CDKAL1: variants seen among roughly 807,000 people sequenced by gnomAD.
CDKAL1 encodes the protein CDKAL1 threonylcarbamoyladenosine tRNA methylthiotransferase, also known as threonylcarbamoyladenosine tRNA methylthiotransferase.
CDKAL1 carries 32 observed loss-of-function variants against 68.2 expected under a neutral mutation model. The observed-to-expected ratio is 0.47, with a 90% CI of 0.35 to 0.63. The LOEUF (loss-of-function observed/expected upper bound fraction) is 0.63. Among genes scored for constraint, CDKAL1 ranks in the 30% least tolerant of loss-of-function variants. The pLI is 0.00. For synonymous variants in CDKAL1, 234 were observed against 244.3 expected (o/e 0.96, Z 0.39); for missense variants, 606 against 696.7 (o/e 0.87, Z 1.47).
At position 20,792,596 on chromosome 6, in the gene CDKAL1, A is replaced by G. The variant is rs180790149; in HGVS notation, c.638+11331A>G. ...TCCTGTCTCTGTTATTTTTTTCTAT[A>G]TAAGTTTATGAGAACAAGATATGCA... On this transcript the variant is annotated intron_variant, in intron 8 of 15. Transcript: ENST00000274695. 1.8e-4 allele frequency among the ~76,000 whole-genome samples: 27 copies of G among 152,220 alleles called. No homozygotes were observed. In the East Asian group the frequency reaches 4.8e-3, roughly 27 times the overall value.
At chr6:21,087,567 C>T (rs894876550) in intron 12 of CDKAL1, among the ~76,000 whole-genome samples, 1 of 152,282 alleles carries the variant, frequency 6.6e-6, no homozygotes, top group East Asian at 1.9e-4. Context: ...TTATCTTCTA[C>T]TCCGTTCCTA....
chr6:21,160,034 G>T lies in CDKAL1; in HGVS notation c.1300-37987G>T, dbSNP rs189300361. Among the ~76,000 whole-genome samples, 3 of 152,290 alleles carry T rather than the reference G, an allele frequency of 2.0e-5. No individual in the cohort carries two copies. In the East Asian group the frequency reaches 5.8e-4, roughly 29 times the overall value. On this transcript the variant is annotated intron_variant, in intron 13 of 15. Coordinates refer to ENST00000274695, the MANE Select transcript of CDKAL1 (RefSeq NM_017774.3). ...ACCCTCTGTGACACCAAATGTATAG[G>T]ATTTGTTCTTGTGATTTTGGGCTAC...
chr6:21,175,831 G>C (rs927629253), intron 13 of CDKAL1, among the ~76,000 whole-genome samples: 1 of 152,202 alleles, frequency 6.6e-6, no homozygotes, highest in Non-Finnish European at 1.5e-5. Flanking sequence ...TTCACAGCAG[G>C]CTTCATGGTA....
intron 4 of CDKAL1, among the ~76,000 whole-genome samples, chr6:20,637,756 ATATAGCCACTGCTGTG>A (rs1370331206): frequency 6.6e-6 from 1 of 152,214 alleles, no homozygotes; most frequent in East Asian, 1.9e-4. Context: ...CAGCCCCAGC[ATATAGCCACTGCTGTG>A]TGTTTCTGGT....
At chr6:20,933,504 G>A (rs1029341523) in intron 9 of CDKAL1, among the ~76,000 whole-genome samples, 2 of 152,240 alleles carry the variant, frequency 1.3e-5, no homozygotes, top group African/African-American at 2.4e-5. Flanking sequence ...ATGTTATAAT[G>A]TATTCACTGT....
Position 21,192,910 on chromosome 6 carries a change from ACT to A in CDKAL1, c.1300-5107_1300-5106del, listed in dbSNP as rs541690467. On this transcript the variant is annotated intron_variant, in intron 13 of 15. Transcript: ENST00000274695. Reference sequence around the variant, plus strand: ...GCTCACTGCAACCTTGAACTCTTGGACTCTCAAGCAATCCTCCTGCCTTAGTG... The same window carrying A: ...GCTCACTGCAACCTTGAACTCTTGGACTCAAGCAATCCTCCTGCCTTAGTG... 2.0e-3 allele frequency among the ~76,000 whole-genome samples: 302 copies of A among 148,712 alleles called. 3 individuals are homozygous for A. The highest frequency in any genetic ancestry group is 6.9e-3 in the African/African-American group (276 of 40,148).
chr6:20,830,722 A>G (rs9465913), intron 8 of CDKAL1, among the ~76,000 whole-genome samples: 45,350 of 151,428 alleles, frequency 0.3, 7,175 homozygotes, highest in East Asian at 0.53. Flanking sequence ...ATTAAGAATT[A>G]CTGCTATTCA....
At chr6:20,952,900 G>A (rs113281793) in intron 9 of CDKAL1, among the ~76,000 whole-genome samples, 4 of 152,324 alleles carry the variant, frequency 2.6e-5, no homozygotes, top group African/African-American at 9.6e-5. Flanking sequence ...TATCCTATTT[G>A]AAGGATCCAT....
intron 5 of CDKAL1, among the ~76,000 whole-genome samples, chr6:20,713,715 AAAC>A (rs1771954603): frequency 6.6e-6 from 1 of 152,152 alleles, no homozygotes; most frequent in African/African-American, 2.4e-5. Context: ...GTTAAAAACA[AAAC>A]AACATCTAAG....
chr6:21,227,766 A>T (rs1779807134), intron 15 of CDKAL1, among the ~76,000 whole-genome samples: 1 of 152,264 alleles, frequency 6.6e-6, no homozygotes, highest in South Asian at 2.1e-4. Flanking sequence ...CCCGAGGAAG[A>T]ATGACTAAAC....
intron 9 of CDKAL1, among the ~76,000 whole-genome samples, chr6:20,860,800 G>GTTGCACTC (rs1759576154): frequency 6.6e-6 from 1 of 151,702 alleles, no homozygotes; most frequent in African/African-American, 2.4e-5. Flanking sequence ...CTCCAGCCTG[G>GTTGCACTC]CAACAGAGCG....
chr6:20,693,958 G>T (rs1770985624), intron 5 of CDKAL1, among the ~76,000 whole-genome samples: 1 of 150,160 alleles, frequency 6.7e-6, no homozygotes, highest in South Asian at 2.1e-4. Flanking sequence ...CTGCAACCTC[G>T]ATCTCCCAGG....
chr6:20,690,425 A>C (rs774334627), intron 5 of CDKAL1, among the ~76,000 whole-genome samples: 1 of 152,272 alleles, frequency 6.6e-6, no homozygotes, highest in East Asian at 1.9e-4. Flanking sequence ...TCACAGAATG[A>C]GCATTTTACG....
At chr6:21,139,086 G>A (rs1775770298) in intron 13 of CDKAL1, among the ~76,000 whole-genome samples, 1 of 152,222 alleles carries the variant, frequency 6.6e-6, no homozygotes, top group Non-Finnish European at 1.5e-5. Context: ...GAAGAGTTGG[G>A]ATTTAAGCCA....
chr6:21,055,831 T>C (rs1217289908), intron 11 of CDKAL1, among the ~76,000 whole-genome samples: 1 of 152,230 alleles, frequency 6.6e-6, no homozygotes, highest in African/African-American at 2.4e-5. Context: ...GCAATGAACA[T>C]ACGTTTGCAT....
intron 11 of CDKAL1, among the ~76,000 whole-genome samples, chr6:21,030,231 G>A (rs1769199457): frequency 6.6e-6 from 1 of 152,156 alleles, no homozygotes; most frequent in African/African-American, 2.4e-5. Flanking sequence ...CACAGGAACA[G>A]AAAACCAAAC....
intron 13 of CDKAL1, among the ~76,000 whole-genome samples, chr6:21,184,415 T>C (rs1316999693): frequency 6.6e-6 from 1 of 151,808 alleles, no homozygotes; most frequent in Non-Finnish European, 1.5e-5. Flanking sequence ...GGCTGGTCTC[T>C]AACTCCTGGC....
intron 15 of CDKAL1, among the ~76,000 whole-genome samples, chr6:21,205,416 C>T (rs889745842): frequency 6.6e-6 from 1 of 152,192 alleles, no homozygotes; most frequent in Admixed American, 6.5e-5. Flanking sequence ...ACATTTCCAC[C>T]AATAGTGCAC....
At chr6:20,788,036 A>G (rs1026911957) in intron 8 of CDKAL1, among the ~76,000 whole-genome samples, 2 of 152,204 alleles carry the variant, frequency 1.3e-5, no homozygotes, top group Non-Finnish European at 2.9e-5. Context: ...CTGAGACCCT[A>G]TTTCGACTGT....
Sources: gnomAD v4.1 joint callset for allele counts (sites outside exome capture counted in the v4.1 genomes callset) on GRCh38, gnomAD v4.1.1 for gene constraint, MANE v1.5 for transcripts, NCBI Gene and HGNC (gene_info 2026-07-23, HGNC 2026-07-21) for gene names.